The following PDS5B variants were observed in gnomAD, a reference collection of about 807,000 sequenced individuals.
The protein encoded by PDS5B is sister chromatid cohesion protein PDS5 homolog B.
A neutral mutation model predicts 184.1 loss-of-function variants in PDS5B; 51 were observed. The ratio of observed to expected loss-of-function variants is 0.28; its 90% confidence interval spans 0.22 to 0.35. The LOEUF is 0.35. Ranked by LOEUF, PDS5B falls within the 10% of genes least tolerant of loss-of-function variation. PDS5B has a pLI of 1.00. For missense variants in PDS5B, 1,180 were observed against 1,723.3 expected, an observed-to-expected ratio of 0.68 and a Z score of 5.58; for synonymous variants, 566 against 569.2, an observed-to-expected ratio of 0.99 and a Z score of 0.08.
chr13:32,630,545 GA>G (rs1194758178), intron 1 of PDS5B, among the ~76,000 whole-genome samples: 1 of 152,196 alleles, frequency 6.6e-6, no homozygotes, highest in Admixed American at 6.5e-5. Flanking sequence ...TGATGTAGAG[GA>G]AGTGATGAAT....
At chr13:32,707,634 C>G (rs923561386) in intron 18 of PDS5B, among the ~76,000 whole-genome samples, 6 of 137,908 alleles carry the variant, frequency 4.4e-5, no homozygotes, top group African/African-American at 1.8e-4. Flanking sequence ...TAAAGCAGAT[C>G]TGGTTTTTGG....
chr13:32,629,459 T>C (rs776521378), intron 1 of PDS5B, among the ~76,000 whole-genome samples: 1 of 152,184 alleles, frequency 6.6e-6, no homozygotes, highest in African/African-American at 2.4e-5. Context: ...AATTGTACTT[T>C]GGCTTGCATT....
chr13:32,703,409 C>G (rs1951918986), intron 17 of PDS5B, among the ~76,000 whole-genome samples: 2 of 152,090 alleles, frequency 1.3e-5, no homozygotes, highest in Non-Finnish European at 2.9e-5. Context: ...ATCAGAAGGT[C>G]ATAGTGATCT....
At chr13:32,768,945 TAC>T (rs1357934959) in intron 31 of PDS5B, among the ~76,000 whole-genome samples, 21 of 25,822 alleles carry the variant, frequency 8.1e-4, no homozygotes, top group Non-Finnish European at 1.2e-3. Flanking sequence ...ACTAAAAAAA[TAC>T]AAAAAAAAAA....
At chr13:32,633,297 G>A (rs2058486864) in intron 1 of PDS5B, among the ~76,000 whole-genome samples, 1 of 152,082 alleles carries the variant, frequency 6.6e-6, no homozygotes, top group Non-Finnish European at 1.5e-5. Flanking sequence ...TTTATAAATG[G>A]TAGATTCTAT....
At position 32,658,265 on chromosome 13, in the gene PDS5B, G is replaced by A; in HGVS notation, c.339G>A (p.Gln113=). The change falls in exon 4 of 35, where the codon CAG becomes CAA. Residue 113 remains glutamine, a synonymous_variant. Coordinates refer to ENST00000315596, the MANE Select transcript of PDS5B (RefSeq NM_015032.4). ...LKDIFMFITR[Q]LKGLEDTKSP... is the part of the protein sequence containing the mutation. ...ATATATTTATGTTTATAACAAGACA[G>A]TTGAAGGGGCTAGAGGATACAAAGA... 1 of 1,503,472 alleles carries A rather than the reference G, an allele frequency of 6.7e-7. No homozygotes were observed. Among genetic ancestry groups the A allele is most frequent in the Non-Finnish European group, 9.2e-7 (1 of 1,086,548 alleles). 93.1% of individuals were successfully genotyped at this position (1,503,472 alleles called of 1,614,324 possible). A position where few individuals can be genotyped will look rare whatever the true frequency, so the allele number is the denominator to read the frequency against.
intron 14 of PDS5B, 116 bp from the exon 15 acceptor site, chr13:32,696,738 G>T (rs1593450096): frequency 1.4e-6 from 1 of 700,812 alleles, no homozygotes; most frequent in East Asian, 2.7e-5. Flanking sequence ...GACAGTAGTG[G>T]TAAGAGCATG....
intron 3 of PDS5B, among the ~76,000 whole-genome samples, chr13:32,655,374 A>ATATATATATATATATTTTT: frequency 1.5e-4 from 11 of 72,458 alleles, no homozygotes; most frequent in African/African-American, 5.0e-4. Flanking sequence ...ATATATATAT[A>ATATATATATATATATTTTT]TTTTTTTTTT....
Position 32,715,894 on chromosome 13 carries a change from C to T in PDS5B, c.2123+5788C>T, listed in dbSNP as rs1320924179. Among the ~76,000 whole-genome samples, 26 of 152,260 alleles carry T rather than the reference C, an allele frequency of 1.7e-4. No individual in the cohort carries two copies. The East Asian group carries it at 1.7e-3, about 10-fold the overall frequency. The stretch of plus-strand genomic sequence containing the variant: ...CGGGCTGGTCTCCAGCTCCTAACCG[C>T]GAGTGATCCGCCAGCCTCGGCCTCC... On this transcript the variant is annotated intron_variant, in intron 19 of 34. Transcript: ENST00000315596.
At chr13:32,661,458 A>G (rs1226351347) in intron 6 of PDS5B, among the ~76,000 whole-genome samples, 2 of 151,338 alleles carry the variant, frequency 1.3e-5, no homozygotes, top group African/African-American at 4.8e-5. Flanking sequence ...ACCTTGATTG[A>G]ATTATATGTA....
chr13:32,755,819 TG>T (rs749714493), intron 25 of PDS5B, 22 bp from the exon 26 acceptor site: 12 of 1,090,922 alleles, frequency 1.1e-5, no homozygotes, highest in South Asian at 6.4e-5. Context: ...TTTTTTTGTT[TG>T]TTTGTTTGTT....
At chr13:32,708,777 A>T in intron 18 of PDS5B, among the ~76,000 whole-genome samples, 1 of 151,426 alleles carries the variant, frequency 6.6e-6, no homozygotes, top group Non-Finnish European at 1.5e-5. Flanking sequence ...TGACATCTCT[A>T]TCTTTTGTTT....
chr13:32,694,510 C>T (rs1395829668), intron 14 of PDS5B, among the ~76,000 whole-genome samples: 1 of 151,726 alleles, frequency 6.6e-6, no homozygotes, highest in Non-Finnish European at 1.5e-5. Context: ...AAAGGTAATA[C>T]CCAACATTAC....
chr13:32,681,345 G>C (rs1170152694), intron 10 of PDS5B, among the ~76,000 whole-genome samples: 1 of 152,060 alleles, frequency 6.6e-6, no homozygotes, highest in African/African-American at 2.4e-5. Flanking sequence ...GCTTGAGGCT[G>C]GGCACGGTGG....
intron 19 of PDS5B, among the ~76,000 whole-genome samples, chr13:32,722,130 A>C (rs892678821): frequency 6.6e-5 from 10 of 152,222 alleles, no homozygotes; most frequent in Non-Finnish European, 1.3e-4. Context: ...CGAGGCGGGC[A>C]GATCACTTGA....
At chr13:32,688,840 A>C in intron 13 of PDS5B, 1 of 381,798 alleles carries the variant, frequency 2.6e-6, no homozygotes, top group South Asian at 2.9e-5. Context: ...TGTCTCAAGA[A>C]ACGTTGATGT....
At chr13:32,755,094 T>C (rs542830334) in intron 25 of PDS5B, among the ~76,000 whole-genome samples, 115 of 152,300 alleles carry the variant, frequency 7.6e-4, no homozygotes, top group Non-Finnish European at 1.4e-3. Context: ...TAAAGAAAAT[T>C]TGATGCTTTA....
At chr13:32,693,135 C>A (rs1472040676) in intron 13 of PDS5B, among the ~76,000 whole-genome samples, 1 of 151,974 alleles carries the variant, frequency 6.6e-6, no homozygotes, top group East Asian at 1.9e-4. Flanking sequence ...TTTAATCTTA[C>A]AACTCTTGTT....
At chr13:32,655,370 ATATAT>A (rs1950481233) in intron 3 of PDS5B, among the ~76,000 whole-genome samples, 1 of 26,946 alleles carries the variant, frequency 3.7e-5, no homozygotes, top group African/African-American at 1.7e-4. Flanking sequence ...ATATATATAT[ATATAT>A]TTTTTTTTTT....
Sources: allele counts gnomAD v4.1 joint callset (sites outside exome capture counted in the v4.1 genomes callset), GRCh38; gene constraint gnomAD v4.1.1; transcripts MANE v1.5; gene names NCBI Gene and HGNC (gene_info 2026-07-23, HGNC 2026-07-21).